Variants in ELAPOR2 observed in about 807,000 individuals in gnomAD.
ELAPOR2 encodes the protein endosome-lysosome associated apoptosis and autophagy regulator family member 2.
ELAPOR2 carries 89 observed loss-of-function variants against 120.7 expected under a neutral mutation model. The ratio of observed to expected loss-of-function variants is 0.74; its 90% CI spans 0.62 to 0.88. The LOEUF is 0.88. Ranked by LOEUF, ELAPOR2 falls within the 40% of genes least tolerant of loss-of-function variation. The probability of loss-of-function intolerance (pLI) is 0.00; values close to 1 mark genes in which losing one functional copy is unlikely to be tolerated. For missense variants in ELAPOR2, 1,134 were observed against 1,251.6 expected (o/e 0.91, Z 1.42); for synonymous variants, 444 against 444.9 (o/e 1.00, Z 0.03).
rs141194051 is a variant in ELAPOR2, at chr7:86,955,527, C to T, written c.311-7605G>A. Among the ~76,000 whole-genome samples, 980 of 152,084 alleles carry T rather than the reference C, an allele frequency of 6.4e-3. 11 individuals carry two copies. The highest frequency in any genetic ancestry group is 0.022 in the African/African-American group (920 of 41,480). On this transcript the variant is annotated intron_variant, in intron 2 of 21. Coordinates refer to ENST00000450689, the MANE Select transcript of ELAPOR2 (RefSeq NM_001142749.3). ...AAAGGAAGGTAACACTGTCCAAATACTAATAGTGGCAGACATTGCAATATT... is the reference window on the plus strand; with the variant it reads ...AAAGGAAGGTAACACTGTCCAAATATTAATAGTGGCAGACATTGCAATATT...
At chr7:86,954,199 T>C (rs139199829) in intron 2 of ELAPOR2, among the ~76,000 whole-genome samples, 108 of 152,260 alleles carry the variant, frequency 7.1e-4, no homozygotes, top group African/African-American at 2.5e-3. Context: ...ACTCTGAAAA[T>C]AAAGAGTGTT....
intron 13 of ELAPOR2, among the ~76,000 whole-genome samples, chr7:86,914,327 T>A (rs997728342): frequency 3.3e-5 from 5 of 151,796 alleles, no homozygotes; most frequent in Non-Finnish European, 4.4e-5. Flanking sequence ...AACAAAAAAA[T>A]AAAATGACAC....
In ELAPOR2 at chr7:87,057,781, C is replaced by T. The variant is rs114380892; in HGVS notation, c.189+1544G>A. 2.3e-3 allele frequency among the ~76,000 whole-genome samples: 353 copies of T among 152,238 alleles called. 2 individuals carry two copies. The highest frequency in any genetic ancestry group is 7.8e-3 in the African/African-American group (325 of 41,520). ...GACCAAAGGCATCACTTCTATTGAC[C>T]CTGACCTTCGCCTACTTCAAGCAGA... On this transcript the variant is annotated intron_variant, in intron 1 of 21. Coordinates refer to ENST00000450689, the MANE Select transcript of ELAPOR2 (RefSeq NM_001142749.3).
intron 1 of ELAPOR2, among the ~76,000 whole-genome samples, chr7:87,004,397 G>A (rs1635021): frequency 0.38 from 57,510 of 152,010 alleles, 11,728 homozygotes; most frequent in African/African-American, 0.53. Flanking sequence ...ATTTCATTAC[G>A]TACTTTCACT....
chr7:87,005,650 G>A (rs1793448520), intron 1 of ELAPOR2, among the ~76,000 whole-genome samples: 1 of 152,132 alleles, frequency 6.6e-6, no homozygotes, highest in Non-Finnish European at 1.5e-5. Context: ...CCAAAATGGT[G>A]CCAAAATAAT....
rs570123707 is a variant in ELAPOR2 at position 86,905,733 on chromosome 7, T to A, written c.2558+1937A>T. ...CTTGTGGTTTTTAAAAATGTTCCTATGCTCAGCATCTAAGATTCTATATTT... is the reference window on the plus strand; with the variant it reads ...CTTGTGGTTTTTAAAAATGTTCCTAAGCTCAGCATCTAAGATTCTATATTT... On this transcript the variant is annotated intron_variant, in intron 18 of 21. Coordinates refer to ENST00000450689, the MANE Select transcript of ELAPOR2 (RefSeq NM_001142749.3). Among the ~76,000 whole-genome samples, 5 of 152,328 alleles carry A rather than the reference T, an allele frequency of 3.3e-5. No homozygotes were observed. The South Asian group carries it at 8.3e-4, about 25-fold the overall frequency.
intron 18 of ELAPOR2, among the ~76,000 whole-genome samples, chr7:86,904,716 C>T (rs1194047918): frequency 6.6e-6 from 1 of 152,138 alleles, no homozygotes; most frequent in East Asian, 1.9e-4. Context: ...CATATTTCCC[C>T]CTTTCTCCTG....
At chr7:86,885,413 T>C (rs906819371) in intron 21 of ELAPOR2, among the ~76,000 whole-genome samples, 1 of 152,174 alleles carries the variant, frequency 6.6e-6, no homozygotes, top group African/African-American at 2.4e-5. Flanking sequence ...GGTTGGATCA[T>C]TAGCAGCTGA....
chr7:87,021,867 G>T (rs545715517), intron 1 of ELAPOR2, among the ~76,000 whole-genome samples: 6 of 152,244 alleles, frequency 3.9e-5, no homozygotes, highest in Admixed American at 6.5e-5. Context: ...TGGATTGGGG[G>T]CTATTCTTTT....
At chr7:87,028,732 A>G (rs191656792) in intron 1 of ELAPOR2, among the ~76,000 whole-genome samples, 262 of 152,200 alleles carry the variant, frequency 1.7e-3, no homozygotes, top group African/African-American at 6.0e-3. Flanking sequence ...ATCAGATTAC[A>G]TCTGTGCTCA....
intron 1 of ELAPOR2, among the ~76,000 whole-genome samples, chr7:87,039,614 A>G (rs1378754622): frequency 1.3e-5 from 2 of 152,216 alleles, no homozygotes; most frequent in Non-Finnish European, 2.9e-5. Flanking sequence ...ACGCAAATAA[A>G]TCAATGTGAT....
At chr7:86,977,448 G>A (rs1349910663) in intron 1 of ELAPOR2, among the ~76,000 whole-genome samples, 1 of 152,138 alleles carries the variant, frequency 6.6e-6, no homozygotes, top group African/African-American at 2.4e-5. Flanking sequence ...AATTTGGCTA[G>A]CAACATCCCC....
At chr7:86,984,340 T>C (rs773688342) in intron 1 of ELAPOR2, among the ~76,000 whole-genome samples, 3 of 152,224 alleles carry the variant, frequency 2.0e-5, no homozygotes, top group African/African-American at 7.2e-5. Context: ...GCTGACCTAA[T>C]AGACATCTAC....
In ELAPOR2 at chr7:86,987,907, T is replaced by C. The variant is rs372346688; in HGVS notation, c.190-22883A>G. ...AAAGATATATGCACACTTATGTTTATTGTGACACTACTCACAATAGCAAAG... is the reference window on the plus strand; with the variant it reads ...AAAGATATATGCACACTTATGTTTACTGTGACACTACTCACAATAGCAAAG... On this transcript the variant is annotated intron_variant, in intron 1 of 21. Transcript: ENST00000450689. Among the ~76,000 whole-genome samples the C allele has an allele frequency of 3.1e-3, 471 of 152,326 alleles. 1 individual carries two copies. The highest frequency in any genetic ancestry group is 0.011 in the African/African-American group (445 of 41,556).
rs1791857666 is a variant in ELAPOR2 at position 86,965,106 on chromosome 7, T to C, written c.190-82A>G. The stretch of plus-strand genomic sequence containing the variant: ...TGCTTTCTCTATCACCCCAAGCCCC[T>C]GTTTCCAAGCTGTACCCTCTCCTTG... On this transcript the variant is annotated intron_variant, in intron 1 of 21. Transcript: ENST00000450689. 2.6e-5 allele frequency: 38 copies of C among 1,439,236 alleles called. 2 individuals carry two copies. The South Asian group carries it at 4.8e-4, about 18-fold the overall frequency. 89.2% of individuals were successfully genotyped at this position (1,439,236 alleles called of 1,614,324 possible).
At chr7:86,907,943 A>G (rs1022236568) in intron 17 of ELAPOR2, among the ~76,000 whole-genome samples, 172 bp from the exon 18 acceptor site, 9 of 152,002 alleles carry the variant, frequency 5.9e-5, no homozygotes, top group Non-Finnish European at 1.5e-5. Flanking sequence ...TTCATTGCCT[A>G]TGAAAAGTTG....
At chr7:86,899,692 T>C (rs928096858) in intron 18 of ELAPOR2, among the ~76,000 whole-genome samples, 1 of 152,170 alleles carries the variant, frequency 6.6e-6, no homozygotes, top group African/African-American at 2.4e-5. Context: ...CTTTCCAAAG[T>C]GTCTGTAGAC....
chr7:86,937,791 T>C (rs1375948484), intron 8 of ELAPOR2, among the ~76,000 whole-genome samples: 2 of 152,136 alleles, frequency 1.3e-5, no homozygotes, highest in Non-Finnish European at 2.9e-5. Flanking sequence ...CAGTAATTTA[T>C]TGAGCACTAT....
At chr7:87,036,395 G>C (rs1015848721) in intron 1 of ELAPOR2, among the ~76,000 whole-genome samples, 18 of 152,170 alleles carry the variant, frequency 1.2e-4, no homozygotes, top group Admixed American at 5.9e-4. Context: ...GAGGTTGGAG[G>C]ATCACTGGAG....
Sources: allele counts gnomAD v4.1 joint callset (sites outside exome capture counted in the v4.1 genomes callset), GRCh38; gene constraint gnomAD v4.1.1; transcripts MANE v1.5; gene names NCBI Gene and HGNC (gene_info 2026-07-23, HGNC 2026-07-21).